Variants in KIDINS220 observed in about 807,000 individuals in gnomAD.
The protein encoded by KIDINS220 is kinase D interacting substrate 220.
A neutral mutation model predicts 157.6 loss-of-function variants in KIDINS220; 63 were observed. That is an observed-to-expected ratio of 0.40 (90% CI 0.33 to 0.49). The LOEUF is 0.49. Among genes scored for constraint, KIDINS220 ranks in the 20% least tolerant of loss-of-function variants. The pLI is 0.66. For synonymous variants in KIDINS220, 732 were observed against 783.6 expected, an observed-to-expected ratio of 0.93 and a Z score of 1.10; for missense variants, 1,772 against 2,171.2, an observed-to-expected ratio of 0.82 and a Z score of 3.65.
At chr2:8,724,339 C>T (rs150853662), downstream of KIDINS220, 5 of 152,344 alleles carry the variant, frequency 3.3e-5, no homozygotes, top group African/African-American at 1.2e-4. The surrounding 1 kb of genome is among the most constrained non-coding windows in gnomAD (Gnocchi z 4.6). Flanking sequence ...ACCTCCGTCT[C>T]CCACGTTCAA....
At chr2:8,816,309 A>C (rs539633696) in intron 4 of KIDINS220, among the ~76,000 whole-genome samples, 2 of 152,356 alleles carry the variant, frequency 1.3e-5, no homozygotes, top group South Asian at 4.1e-4. Flanking sequence ...CCTTTGGAGC[A>C]GGGAGACCTG....
chr2:8,833,604 A>C lies in KIDINS220; in HGVS notation c.-37+3876T>G, dbSNP rs183483607. On this transcript the variant is annotated intron_variant, in intron 1 of 29. Transcript: ENST00000256707. ...AATTATTTTCTTTCGTTCTATACCA[A>C]ATACCCAACACTTAGCTTAATAGCT... 3.7e-4 allele frequency among the ~76,000 whole-genome samples: 56 copies of C among 152,172 alleles called. No homozygotes were observed. In the East Asian group the frequency reaches 5.6e-3, roughly 15 times the overall value.
At chr2:8,734,166 G>GT (rs151239740) in intron 28 of KIDINS220, among the ~76,000 whole-genome samples, 1,607 of 152,028 alleles carry the variant, frequency 0.011, 37 homozygotes, top group African/African-American at 0.036. Flanking sequence ...GGCAGCAGGA[G>GT]TGGGGGACTC....
In KIDINS220 at chr2:8,764,893, A is replaced by T. The variant is rs200542889; in HGVS notation, c.3011+5777T>A. Among the ~76,000 whole-genome samples, 165 of 152,358 alleles carry T rather than the reference A, an allele frequency of 1.1e-3. 4 individuals are homozygous for T. In the East Asian group the frequency reaches 0.031, roughly 29 times the overall value. ...AAGAAAGTTACAGTTCATGAAGTGT[A>T]TAGTCTCATTCAGGAGACAAATATT... On this transcript the variant is annotated intron_variant, in intron 22 of 29. Transcript: ENST00000256707.
intron 26 of KIDINS220, among the ~76,000 whole-genome samples, chr2:8,743,256 G>A (rs575468799): frequency 6.6e-6 from 1 of 152,294 alleles, no homozygotes; most frequent in South Asian, 2.1e-4. Flanking sequence ...TTAGGGCTAA[G>A]AAGCATCAAC....
At chr2:8,732,344 C>T (rs1664238929) in intron 29 of KIDINS220, among the ~76,000 whole-genome samples, 3 of 152,302 alleles carry the variant, frequency 2.0e-5, no homozygotes, top group East Asian at 1.9e-4. Context: ...GCAATCCTCC[C>T]GCCTCAGCCT....
intron 3 of KIDINS220, 24 bp from the exon 4 acceptor site, chr2:8,817,740 A>T: frequency 6.6e-7 from 1 of 1,513,312 alleles, no homozygotes. Flanking sequence ...TTTAAAAGTT[A>T]TCATTTTCAA....
At position 8,788,798 on chromosome 2, in the gene KIDINS220, C is replaced by T. The variant is rs1166573271; in HGVS notation, c.1636G>A (p.Gly546Ser). ...LYIFFIVIYF[G>S]GRREGESWNW... Reference sequence around the variant, plus strand: ...CAACTCTCTCCTTCTCTTCGTCCACCAAAGTAAATGACAACTGAAATTCAC... The same window carrying T: ...CAACTCTCTCCTTCTCTTCGTCCACTAAAGTAAATGACAACTGAAATTCAC... The change falls in exon 15 of 30, where the codon GGT becomes AGT. Residue 546 changes from glycine to serine, a missense_variant. By Grantham distance (56) the Gly-to-Ser change is moderately conservative. Transcript: ENST00000256707. The T allele has an allele frequency of 4.3e-6, 7 of 1,613,110 alleles. No homozygotes were observed. Among genetic ancestry groups the T allele is most frequent in the Non-Finnish European group, 5.1e-6 (6 of 1,179,732 alleles).
intron 1 of KIDINS220, among the ~76,000 whole-genome samples, chr2:8,836,529 G>C (rs1051628036): frequency 6.6e-6 from 1 of 152,214 alleles, no homozygotes; most frequent in Non-Finnish European, 1.5e-5. Context: ...ATCTGGGGTG[G>C]TGCCCAGAAA....
chr2:8,822,455 C>G (rs1678123126), intron 2 of KIDINS220, among the ~76,000 whole-genome samples: 1 of 152,020 alleles, frequency 6.6e-6, no homozygotes. Flanking sequence ...GAAACTTCAT[C>G]TCTACAAAAA....
chr2:8,796,840 G>C lies in KIDINS220; in HGVS notation c.1029C>G (p.Thr343=), dbSNP rs762655489. ...KDGETPLIKA[T]KMRNIEVVEL... is the part of the protein sequence containing the mutation. ...CCACCACTTCAATGTTTCTCATCTT[G>C]GTAGCCTTTATAAGTGGCGTTTCAC... is the stretch of plus-strand genomic sequence containing the variant. The change falls in exon 11 of 30, where the codon ACC becomes ACG. Residue 343 remains threonine, a synonymous_variant. Coordinates refer to ENST00000256707, the MANE Select transcript of KIDINS220 (RefSeq NM_020738.4). 2 of 1,614,054 alleles carry C rather than the reference G, an allele frequency of 1.2e-6. No homozygotes were observed. The highest frequency in any genetic ancestry group is 3.3e-5 in the Admixed American group (2 of 60,024).
chr2:8,790,238 C>G (rs974289275), intron 13 of KIDINS220, among the ~76,000 whole-genome samples, 179 bp from the exon 14 acceptor site: 1 of 152,140 alleles, frequency 6.6e-6, no homozygotes, highest in South Asian at 2.1e-4. Flanking sequence ...AGATGAACAT[C>G]TCACCCCCAG....
chr2:8,817,561 T>A, intron 4 of KIDINS220, 57 bp downstream of exon 4: 1 of 976,888 alleles, frequency 1.0e-6, no homozygotes, highest in Non-Finnish European at 1.6e-6. Context: ...ATTTCACACA[T>A]ATCTATGATT....
intron 22 of KIDINS220, among the ~76,000 whole-genome samples, chr2:8,753,116 G>T (rs1050129733): frequency 6.6e-6 from 1 of 152,034 alleles, no homozygotes; most frequent in African/African-American, 2.4e-5. Flanking sequence ...AGAAAGAGAA[G>T]TTAAAAGACA....
At chr2:8,773,977 C>A (rs779711191) in intron 21 of KIDINS220, among the ~76,000 whole-genome samples, 6 of 152,142 alleles carry the variant, frequency 3.9e-5, no homozygotes, top group Non-Finnish European at 7.4e-5. Context: ...GTGTCCTAGA[C>A]ATTGTTCTGG....
intron 26 of KIDINS220, among the ~76,000 whole-genome samples, chr2:8,745,993 C>CTT (rs530252729): frequency 8.6e-5 from 12 of 139,792 alleles, no homozygotes; most frequent in East Asian, 8.3e-4. Context: ...AAACTGGGTT[C>CTT]TTTTTTTTTT....
intron 27 of KIDINS220, among the ~76,000 whole-genome samples, chr2:8,736,070 C>G (rs1664816140): frequency 6.6e-6 from 1 of 152,180 alleles, no homozygotes; most frequent in Admixed American, 6.5e-5. Flanking sequence ...TATCTGAAAC[C>G]TTTCTAAAAT....
In KIDINS220 at chr2:8,731,708, G is replaced by T; in HGVS notation, c.4328C>A (p.Pro1443His). The change falls in exon 30 of 30, where the codon CCC (proline) becomes CAC (histidine). Residue 1443 changes from proline to histidine, a missense_variant. Coordinates refer to ENST00000256707, the MANE Select transcript of KIDINS220 (RefSeq NM_020738.4). The surrounding 1 kb of genome is among the most constrained non-coding windows in gnomAD (Gnocchi z 5.2). ...TAGAAAGGACTTCCTCCCATCATCG[G>T]GCTTTGGTTCACTATCCTTCCCCTT... Reference protein sequence around the residue: ...QEKGKDSEPKPDDGRKSFLMK... With the variant: ...QEKGKDSEPKHDDGRKSFLMK... 6.2e-7 allele frequency: 1 copy of T among 1,614,116 alleles called. No individual in the cohort carries two copies. The highest frequency in any genetic ancestry group is 8.5e-7 in the Non-Finnish European group (1 of 1,180,018).
intron 6 of KIDINS220, among the ~76,000 whole-genome samples, chr2:8,809,586 G>A (rs538115598): frequency 5.0e-4 from 75 of 150,872 alleles, no homozygotes; most frequent in Non-Finnish European, 1.0e-3. Context: ...TGCCAAATCC[G>A]CATTCACATC....
Sources: allele counts gnomAD v4.1 joint callset (sites outside exome capture counted in the v4.1 genomes callset), GRCh38; gene constraint gnomAD v4.1.1; non-coding constraint Gnocchi (gnomAD v3.1); transcripts MANE v1.5; gene names NCBI Gene and HGNC (gene_info 2026-07-23, HGNC 2026-07-21).